Variants in EIF3D observed in about 807,000 individuals in gnomAD.
EIF3D encodes eIF3 p66.
EIF3D carries 10 observed loss-of-function variants against 75.4 expected under a neutral mutation model. The ratio of observed to expected loss-of-function variants is 0.13; its 90% CI spans 0.08 to 0.22. The LOEUF (loss-of-function observed/expected upper bound fraction) is 0.22. Among genes scored for constraint, EIF3D ranks in the 10% least tolerant of loss-of-function variants. EIF3D has a pLI of 1.00. For missense variants in EIF3D, 394 were observed against 708.0 expected, an observed-to-expected ratio of 0.56 and a Z score of 5.03; for synonymous variants, 246 against 248.3, an observed-to-expected ratio of 0.99 and a Z score of 0.09.
chr22:36,519,487 G>C lies in EIF3D; in HGVS notation c.629C>G (p.Thr210Ser). 1 of 1,614,194 alleles carries C rather than the reference G, an allele frequency of 6.2e-7. No homozygotes were observed. The highest frequency in any genetic ancestry group is 8.5e-7 in the Non-Finnish European group (1 of 1,180,030). Residue 210 changes from threonine to serine, a missense_variant, in exon 8 of 15, where the codon ACC (threonine) becomes AGC (serine). Thr to Ser is a moderately conservative substitution (Grantham distance 58). Transcript: ENST00000216190. The part of the protein sequence containing the change: ...EYYDKAFDRI[T>S]TRSEKPLRSI... ...CCGCAGTGGCTTCTCACTCCTCGTG[G>C]TGATGCGGTCAAAGGCTTTGTCGTA...
chr22:36,511,641 T>C lies in EIF3D; in HGVS notation c.1495A>G (p.Met499Val). 1.2e-6 allele frequency: 2 copies of C among 1,614,166 alleles called. No homozygotes were observed. The highest frequency in any genetic ancestry group is 1.3e-5 in the African/African-American group (1 of 75,044). The change falls in exon 14 of 15, where the codon ATG becomes GTG. Residue 499 changes from methionine to valine, a missense_variant. Transcript: ENST00000216190. Reference sequence around the variant, plus strand: ...AGGTATTTGCCCTCCTCCAGCTTCATGCAGATGTCAATGACGCAGCGTAAA... The same window carrying C: ...AGGTATTTGCCCTCCTCCAGCTTCACGCAGATGTCAATGACGCAGCGTAAA... ...GILRCVIDIC[M>V]KLEEGKYLIL... is the part of the protein sequence containing the mutation.
chr22:36,517,523 A>ACAAGTCC, intron 9 of EIF3D, 92 bp from the exon 10 acceptor site: 1 of 1,418,676 alleles, frequency 7.0e-7, no homozygotes, highest in Non-Finnish European at 9.3e-7. Context: ...GGCAAACAAC[A>ACAAGTCC]CAAGTCCTTC....
At position 36,519,519 on chromosome 22, in the gene EIF3D, T is replaced by G. The variant is rs1934479007; in HGVS notation, c.597A>C (p.Leu199=). The G allele has an allele frequency of 1.2e-6, 2 of 1,614,162 alleles. No individual in the cohort carries two copies. The highest frequency in any genetic ancestry group is 1.7e-6 in the Non-Finnish European group (2 of 1,180,026). ...EPQDIECCGA[L]EYYDKAFDRI... Reference sequence around the variant, plus strand: ...GGTCAAAGGCTTTGTCGTAGTATTCTAGGGCCCCACAACACTCACTGTGGG... The same window carrying G: ...GGTCAAAGGCTTTGTCGTAGTATTCGAGGGCCCCACAACACTCACTGTGGG... Residue 199 remains leucine (L), a synonymous_variant, in exon 8 of 15, where the codon CTA becomes CTC. Transcript: ENST00000216190.
At chr22:36,518,000 G>C (rs1245333573) in intron 9 of EIF3D, among the ~76,000 whole-genome samples, 2 of 151,928 alleles carry the variant, frequency 1.3e-5, no homozygotes, top group Non-Finnish European at 2.9e-5. Context: ...TCTCCGCCTC[G>C]GCCTCCCAAA....
chr22:36,528,109 C>G (rs181186018), intron 1 of EIF3D, among the ~76,000 whole-genome samples: 35 of 152,212 alleles, frequency 2.3e-4, no homozygotes, highest in Middle Eastern at 3.4e-3. Context: ...ACCACCCCCC[C>G]ACCCCTACTT....
intron 1 of EIF3D, among the ~76,000 whole-genome samples, chr22:36,528,102 AC>A (rs538273993): frequency 1.0e-3 from 156 of 151,582 alleles, no homozygotes; most frequent in African/African-American, 3.5e-3. Context: ...ACCATTGACC[AC>A]CCCCCCACCC....
Position 36,511,237 on chromosome 22 carries a change from G to A in EIF3D, c.1634-237C>T, listed in dbSNP as rs985388748. The A allele has an allele frequency of 6.3e-5, 51 of 805,436 alleles. No homozygotes were observed. In the African/African-American group the frequency reaches 7.3e-4, roughly 12 times the overall value. The allele number at this position is 805,436 out of a possible 1,614,324, so 49.9% of individuals were successfully genotyped here. ...GCGGAGCTTTTCCCTCTAGACCACC[G>A]GCTTCAATCTGGGACTTCCCTCATC... On this transcript the variant is annotated intron_variant, in intron 14 of 14. Coordinates refer to ENST00000216190, the MANE Select transcript of EIF3D (RefSeq NM_003753.4).
In EIF3D at chr22:36,516,695, G is replaced by A. The variant is rs780396237; in HGVS notation, c.1076+10C>T. 13 of 1,614,102 alleles carry A rather than the reference G, an allele frequency of 8.1e-6. No homozygotes were observed. The East Asian group carries it at 1.8e-4, about 22-fold the overall frequency. On this transcript the variant is annotated intron_variant, in intron 11 of 14. Transcript: ENST00000216190. ...GTCTGGCCACAATACCCACCAGAGA[G>A]GTGACCTACCGGTACGCAACAGAGG...
intron 2 of EIF3D, 103 bp downstream of exon 2, chr22:36,525,896 A>C: frequency 1.3e-6 from 2 of 1,514,232 alleles, no homozygotes; most frequent in Non-Finnish European, 1.8e-6. Context: ...CATCCCTATA[A>C]GAAATTCAGG....
At chr22:36,519,767 G>C (rs1221314060) in intron 7 of EIF3D, among the ~76,000 whole-genome samples, 1 of 152,128 alleles carries the variant, frequency 6.6e-6, no homozygotes, top group African/African-American at 2.4e-5. Context: ...CCATTTTAAA[G>C]GTAGGGTGAC....
In EIF3D at chr22:36,525,647, G is replaced by A; in HGVS notation, c.169+17C>T. 6.2e-7 allele frequency: 1 copy of A among 1,612,076 alleles called. No individual in the cohort carries two copies. The highest frequency in any genetic ancestry group is 1.7e-4 in the Middle Eastern group (1 of 6,058). On this transcript the variant is annotated intron_variant, in intron 3 of 14. Coordinates refer to ENST00000216190, the MANE Select transcript of EIF3D (RefSeq NM_003753.4). ...CCCAAGGCCCTGATTGGGGCATTCAGTTGCAGAAACACTTACTTGTGTACC... is the reference window on the plus strand; with the variant it reads ...CCCAAGGCCCTGATTGGGGCATTCAATTGCAGAAACACTTACTTGTGTACC...
chr22:36,523,956 G>C lies in EIF3D; in HGVS notation c.331C>G (p.Arg111Gly). 6.2e-7 allele frequency: 1 copy of C among 1,614,070 alleles called. No individual in the cohort carries two copies. Among genetic ancestry groups the C allele is most frequent in the Non-Finnish European group, 8.5e-7 (1 of 1,179,984 alleles). Residue 111 changes from arginine to glycine, a missense_variant, in exon 5 of 15, where the codon CGT (arginine) becomes GGT (glycine). Transcript: ENST00000216190. The part of the protein sequence containing the change: ...AQRNLRRDKD[R>G]RNMLQFNLQI... Reference sequence around the variant, plus strand: ...AGGTTGAACTGCAACATGTTCCGACGATCTTTGTCTCTGCGGAGGTTCCTC... The same window carrying C: ...AGGTTGAACTGCAACATGTTCCGACCATCTTTGTCTCTGCGGAGGTTCCTC...
chr22:36,516,270 A>G (rs1019763627), intron 12 of EIF3D: 2 of 548,312 alleles, frequency 3.6e-6, no homozygotes, highest in Non-Finnish European at 6.3e-6. Context: ...CTTAACACTT[A>G]ACATAGTTCT....
At chr22:36,514,731 T>C (rs528307059) in intron 12 of EIF3D, among the ~76,000 whole-genome samples, 1 of 152,246 alleles carries the variant, frequency 6.6e-6, no homozygotes, top group Admixed American at 6.5e-5. Flanking sequence ...ACAATAAGAA[T>C]GGGCTTGGAA....
chr22:36,519,052 C>T, intron 8 of EIF3D, 142 bp from the exon 9 acceptor site: 6 of 1,163,132 alleles, frequency 5.2e-6, no homozygotes, highest in Non-Finnish European at 5.9e-6. Context: ...AACACTGCAG[C>T]CAGTGAGCCA....
chr22:36,513,224 C>T (rs1169846348), intron 12 of EIF3D, among the ~76,000 whole-genome samples: 1 of 152,148 alleles, frequency 6.6e-6, no homozygotes, highest in Non-Finnish European at 1.5e-5. Context: ...TCAAAGGTCA[C>T]ATGACAGAGG....
intron 4 of EIF3D, 75 bp from the exon 5 acceptor site, chr22:36,524,055 C>A: frequency 1.4e-6 from 2 of 1,447,120 alleles, no homozygotes; most frequent in South Asian, 2.3e-5. Flanking sequence ...AGTGGGAGGT[C>A]TTTGGAGTAA....
intron 6 of EIF3D, among the ~76,000 whole-genome samples, chr22:36,521,415 T>C (rs1183130062): frequency 6.6e-6 from 1 of 152,222 alleles, no homozygotes; most frequent in Non-Finnish European, 1.5e-5. Flanking sequence ...TTAACTATTC[T>C]TGATACAGCA....
intron 8 of EIF3D, 60 bp from the exon 9 acceptor site, chr22:36,518,970 A>C: frequency 1.3e-6 from 2 of 1,593,886 alleles, no homozygotes. Flanking sequence ...CTGCCCACTC[A>C]CATGGATGGG....
Sources: allele counts gnomAD v4.1 joint callset (sites outside exome capture counted in the v4.1 genomes callset), GRCh38; gene constraint gnomAD v4.1.1; transcripts MANE v1.5; gene names NCBI Gene and HGNC (gene_info 2026-07-23, HGNC 2026-07-21).